COL5A1: variants seen among roughly 807,000 people sequenced by gnomAD.
COL5A1 encodes collagen type V alpha 1 chain.
A neutral mutation model predicts 263.7 loss-of-function variants in COL5A1; 16 were observed. The observed-to-expected ratio is 0.06, with a 90% confidence interval of 0.04 to 0.09. COL5A1 has a LOEUF of 0.09. Ranked by LOEUF, COL5A1 falls within the 10% of genes least tolerant of loss-of-function variation. The pLI is 1.00. For missense variants in COL5A1, 2,036 were observed against 2,540.5 expected (o/e 0.80, Z 4.27); for synonymous variants, 1,012 against 1,004.5 (o/e 1.01, Z -0.14).
chr9:134,650,116 A>G (rs1231469365), intron 1 of COL5A1, among the ~76,000 whole-genome samples: 1 of 152,184 alleles, frequency 6.6e-6, no homozygotes, highest in Non-Finnish European at 1.5e-5. Context: ...GCAAACCACC[A>G]TGGCATGTGT....
At position 134,711,968 on chromosome 9, in the gene COL5A1, A is replaced by G. The variant is rs1588461237; in HGVS notation, c.654+10635A>G. Among the ~76,000 whole-genome samples the G allele has an allele frequency of 2.3e-5, 3 of 130,498 alleles. No homozygotes were observed. In the South Asian group the frequency reaches 8.4e-4, roughly 36 times the overall value. The allele number at this position is 130,498 out of a possible 152,430, so 85.6% of individuals were successfully genotyped here. Reference sequence around the variant, plus strand: ...GCCTGACAGGAAGTGAACCCCCTTTACCCTGGCCCCCTTCCTGTCCCCACT... The same window carrying G: ...GCCTGACAGGAAGTGAACCCCCTTTGCCCTGGCCCCCTTCCTGTCCCCACT... On this transcript the variant is annotated intron_variant, in intron 4 of 65. Coordinates refer to ENST00000371817, the MANE Select transcript of COL5A1 (RefSeq NM_000093.5).
At chr9:134,805,352 G>A in intron 41 of COL5A1, 138 bp downstream of exon 41, 1 of 1,031,234 alleles carries the variant, frequency 9.7e-7, no homozygotes, top group Non-Finnish European at 1.5e-6. Context: ...GGGGAAAATG[G>A]CCTTCAGGGA....
rs1832899444 is a variant in COL5A1, at chr9:134,682,753, G to A, written c.110-8159G>A. On this transcript the variant is annotated intron_variant, in intron 1 of 65. Transcript: ENST00000371817. This position sits in a 1 kb window ranked among gnomAD's most constrained non-coding sequence, Gnocchi z 5.1. The stretch of plus-strand genomic sequence containing the variant: ...GAGTGACCAGGTGGAATCTGCTGGT[G>A]TGTTGTGGTTCTGGGGCCAGGGGAG... Among the ~76,000 whole-genome samples the A allele has an allele frequency of 6.6e-6, 1 of 152,226 alleles. No homozygotes were observed. Among genetic ancestry groups the A allele is most frequent in the Admixed American group, 6.5e-5 (1 of 15,292 alleles).
intron 24 of COL5A1, 68 bp downstream of exon 24, chr9:134,767,422 G>T: frequency 6.9e-7 from 1 of 1,456,628 alleles, no homozygotes; most frequent in Non-Finnish European, 9.6e-7. Flanking sequence ...CCCCACCCTG[G>T]GAGGACCCCT....
At chr9:134,659,413 A>G (rs1332432270) in intron 1 of COL5A1, among the ~76,000 whole-genome samples, 2 of 152,134 alleles carry the variant, frequency 1.3e-5, no homozygotes, top group Non-Finnish European at 1.5e-5. Flanking sequence ...ATAATCATAA[A>G]AAAGCCTTTG....
rs1241405784 is a variant in COL5A1, at chr9:134,755,841, C to T, written c.1828-924C>T. 1.3e-5 allele frequency among the ~76,000 whole-genome samples: 2 copies of T among 152,134 alleles called. No individual in the cohort carries two copies. Among genetic ancestry groups the T allele is most frequent in the African/African-American group, 4.8e-5 (2 of 41,414 alleles). On this transcript the variant is annotated intron_variant, in intron 16 of 65. Transcript: ENST00000371817. The surrounding 1 kb of genome is among the most constrained non-coding windows in gnomAD (Gnocchi z 4.1). Reference sequence around the variant, plus strand: ...TTCTCGGGTGCCACCTTGTCTGTCTCCAGTGCTTTGAGACCCTAAGCTGCC... The same window carrying T: ...TTCTCGGGTGCCACCTTGTCTGTCTTCAGTGCTTTGAGACCCTAAGCTGCC...
rs146776422 is a variant in COL5A1, at chr9:134,842,492, C to T, written c.*189C>T. On this transcript the variant is annotated 3_prime_UTR_variant, in exon 66 of 66. Transcript: ENST00000371817. The surrounding 1 kb of genome is among the most constrained non-coding windows in gnomAD (Gnocchi z 5.8). ...CGGAGAGAACAGAGGGAAGGAGCCG[C>T]GCCCCCACCTGGAGCTGAATCACAT... The T allele has an allele frequency of 6.8e-4, 471 of 690,964 alleles. 1 individual carries two copies. Among genetic ancestry groups the T allele is most frequent in the African/African-American group, 5.3e-3 (296 of 56,282 alleles). 42.8% of individuals were successfully genotyped at this position (690,964 alleles called of 1,614,324 possible).
At chr9:134,806,001 T>C (rs1792820313) in intron 41 of COL5A1, among the ~76,000 whole-genome samples, 188 bp from the exon 42 acceptor site, 1 of 152,070 alleles carries the variant, frequency 6.6e-6, no homozygotes, top group African/African-American at 2.4e-5. Context: ...ACCTGGGAGC[T>C]TGGAGTTACA....
intron 58 of COL5A1, 115 bp downstream of exon 58, chr9:134,820,338 G>A: frequency 1.3e-6 from 1 of 784,340 alleles, no homozygotes; most frequent in Non-Finnish European, 2.2e-6. Flanking sequence ...CCACACGTCG[G>A]TTGAGTCCGG....
intron 26 of COL5A1, among the ~76,000 whole-genome samples, chr9:134,774,322 C>T (rs1004433115): frequency 6.6e-5 from 10 of 152,122 alleles, no homozygotes; most frequent in African/African-American, 1.9e-4. Flanking sequence ...GGGAGGGAGG[C>T]GGTGGGAGCC....
rs749302733 is a variant in COL5A1 at position 134,765,356 on chromosome 9, G to A, written c.2035-325G>A. Among the ~76,000 whole-genome samples, 3 of 151,622 alleles carry A rather than the reference G, an allele frequency of 2.0e-5. No individual in the cohort carries two copies. The highest frequency in any genetic ancestry group is 2.4e-5 in the African/African-American group (1 of 41,394). ...TGTTATAGCGTGGTGATTCTCTGGG[G>A]GAGCGTCTGCTCACCTGCCCCAGCA... On this transcript the variant is annotated intron_variant, in intron 20 of 65. Transcript: ENST00000371817. The surrounding 1 kb of genome is among the most constrained non-coding windows in gnomAD (Gnocchi z 5.1).
chr9:134,693,871 C>T (rs369391579), intron 2 of COL5A1, among the ~76,000 whole-genome samples: 238 of 152,244 alleles, frequency 1.6e-3, no homozygotes, highest in African/African-American at 5.3e-3. Flanking sequence ...GGGACCGACA[C>T]GGTCTCGCGC....
intron 26 of COL5A1, 106 bp from the exon 27 acceptor site, chr9:134,774,753 C>A: frequency 8.4e-7 from 1 of 1,187,894 alleles, no homozygotes; most frequent in Non-Finnish European, 1.2e-6. Context: ...GGGATGTTCG[C>A]CCTGCTCTCA....
chr9:134,750,655 G>A (rs746333113), intron 12 of COL5A1, 39 bp downstream of exon 12: 1 of 1,607,818 alleles, frequency 6.2e-7, no homozygotes, highest in South Asian at 1.1e-5. Context: ...GAGGCAGCTG[G>A]GGCAGGTGGG....
chr9:134,780,219 A>G, intron 28 of COL5A1, 73 bp downstream of exon 28: 1 of 1,427,950 alleles, frequency 7.0e-7, no homozygotes, highest in Admixed American at 1.7e-5. Flanking sequence ...GGGCCCTCCC[A>G]CAATGCTTCT....
Position 134,765,658 on chromosome 9 carries a change from CTA to C in COL5A1, c.2035-21_2035-20del. ...TGGGATTTCTGCCCGAGTTTAAATC[CTA>C]TTTTCCCTTTCCTCTTACAGGGGCC... On this transcript the variant is annotated intron_variant, in intron 20 of 65. Transcript: ENST00000371817. This position sits in a 1 kb window ranked among gnomAD's most constrained non-coding sequence, Gnocchi z 5.1. The C allele has an allele frequency of 1.2e-6, 2 of 1,611,042 alleles. No individual in the cohort carries two copies. Among genetic ancestry groups the C allele is most frequent in the Non-Finnish European group, 1.7e-6 (2 of 1,177,318 alleles).
chr9:134,819,265 G>C (rs887698927), intron 57 of COL5A1, among the ~76,000 whole-genome samples: 1 of 152,286 alleles, frequency 6.6e-6, no homozygotes, highest in African/African-American at 2.4e-5. Flanking sequence ...TGAGCAGCTC[G>C]GGAGATCCCG....
chr9:134,805,131 C>T (rs1270863130), intron 40 of COL5A1, 30 bp from the exon 41 acceptor site: 13 of 1,613,964 alleles, frequency 8.1e-6, no homozygotes, highest in Non-Finnish European at 1.1e-5. Context: ...TCCCCACGTG[C>T]CCTTGACCAA....
intron 1 of COL5A1, among the ~76,000 whole-genome samples, chr9:134,646,886 G>A (rs1216392509): frequency 6.6e-6 from 1 of 152,212 alleles, no homozygotes; most frequent in East Asian, 1.9e-4. Flanking sequence ...AGGGGCTGTC[G>A]GATGGGCTGG....
Sources: allele counts gnomAD v4.1 joint callset (sites outside exome capture counted in the v4.1 genomes callset), GRCh38; gene constraint gnomAD v4.1.1; non-coding constraint Gnocchi (gnomAD v3.1); transcripts MANE v1.5; gene names NCBI Gene and HGNC (gene_info 2026-07-23, HGNC 2026-07-21).